Variants in IL17RB observed in about 807,000 individuals in gnomAD.
The protein encoded by IL17RB is interleukin 17 receptor B.
In IL17RB, 36 loss-of-function variants were observed where a neutral mutation model predicts 43.9. The ratio of observed to expected loss-of-function variants is 0.82; its 90% CI spans 0.63 to 1.08. The LOEUF is 1.08. Among genes scored for constraint, IL17RB ranks in the 50% least tolerant of loss-of-function variants. The pLI is 0.00. For synonymous variants in IL17RB, 225 were observed against 225.4 expected, an observed-to-expected ratio of 1.00 and a Z score of 0.02; for missense variants, 613 against 613.6, an observed-to-expected ratio of 1.00 and a Z score of 0.01.
At chr3:53,848,636 G>GT (rs762059693) in intron 1 of IL17RB, 28 bp from the exon 2 acceptor site, 31 of 1,605,324 alleles carry the variant, frequency 1.9e-5, no homozygotes, top group African/African-American at 4.0e-5. Context: ...CGGCTTCAAC[G>GT]TGACGCTTGG....
chr3:53,864,467 G>C lies in IL17RB; in HGVS notation c.947-279G>C, dbSNP rs539023684. Among the ~76,000 whole-genome samples the C allele has an allele frequency of 2.0e-5, 3 of 152,114 alleles. No individual in the cohort carries two copies. The South Asian group carries it at 6.2e-4, about 32-fold the overall frequency. On this transcript the variant is annotated intron_variant, in intron 10 of 10. Coordinates refer to ENST00000288167, the MANE Select transcript of IL17RB (RefSeq NM_018725.4). ...GGAGAATGGCGTGAACCCAGGAGGCGGAGGTTGTAGTCAGCCGAGGTCACG... is the reference window on the plus strand; with the variant it reads ...GGAGAATGGCGTGAACCCAGGAGGCCGAGGTTGTAGTCAGCCGAGGTCACG...
intron 5 of IL17RB, among the ~76,000 whole-genome samples, chr3:53,853,248 C>T (rs1434715486): frequency 6.6e-6 from 1 of 152,242 alleles, no homozygotes; most frequent in East Asian, 1.9e-4. Context: ...TATGCATCAT[C>T]TCACTTAAGC....
At chr3:53,857,516 C>A in intron 7 of IL17RB, 100 bp from the exon 8 acceptor site, 1 of 1,007,600 alleles carries the variant, frequency 9.9e-7, no homozygotes, top group Non-Finnish European at 1.6e-6. Context: ...AAATACTGGG[C>A]TCAAGCCATC....
rs1454198312 is a variant in IL17RB at position 53,848,625 on chromosome 3, C to G, written c.61-39C>G. 3 of 1,565,248 alleles carry G rather than the reference C, an allele frequency of 1.9e-6. No homozygotes were observed. In the East Asian group the frequency reaches 6.9e-5, roughly 36 times the overall value. On this transcript the variant is annotated intron_variant, in intron 1 of 10. Coordinates refer to ENST00000288167, the MANE Select transcript of IL17RB (RefSeq NM_018725.4). ...TTGGCAAAGGAAAGCTTGTGGTTTGCCGGCTTCAACGTGACGCTTGGTTTT... is the reference window on the plus strand; with the variant it reads ...TTGGCAAAGGAAAGCTTGTGGTTTGGCGGCTTCAACGTGACGCTTGGTTTT...
chr3:53,847,105 A>C (rs1698939339), intron 1 of IL17RB, among the ~76,000 whole-genome samples: 1 of 152,174 alleles, frequency 6.6e-6, no homozygotes, highest in Non-Finnish European at 1.5e-5. Flanking sequence ...TCACTCGTGA[A>C]GGCAGTTGCC....
At position 53,854,186 on chromosome 3, in the gene IL17RB, C is replaced by T. The variant is rs142018589; in HGVS notation, c.482-1108C>T. Among the ~76,000 whole-genome samples the T allele has an allele frequency of 6.2e-3, 941 of 152,258 alleles. 9 individuals are homozygous for T. Among genetic ancestry groups the T allele is most frequent in the African/African-American group, 0.021 (880 of 41,558 alleles). On this transcript the variant is annotated intron_variant, in intron 5 of 10. Coordinates refer to ENST00000288167, the MANE Select transcript of IL17RB (RefSeq NM_018725.4). ...TGCTGGGATTACAGGAGTGAGCCAC[C>T]GTACCCAGCCTTATTTTGGAATAAT...
chr3:53,848,477 G>A (rs192083718), intron 1 of IL17RB, among the ~76,000 whole-genome samples, 187 bp from the exon 2 acceptor site: 383 of 152,336 alleles, frequency 2.5e-3, no homozygotes, highest in African/African-American at 8.0e-3. Context: ...TCCATGGTCC[G>A]TCATAGCCTA....
At chr3:53,851,977 G>C in intron 3 of IL17RB, 22 bp from the exon 4 acceptor site, 2 of 1,613,842 alleles carry the variant, frequency 1.2e-6, no homozygotes, top group Non-Finnish European at 1.7e-6. Flanking sequence ...ATAAACCAAT[G>C]TCCTCTTGCC....
In IL17RB at chr3:53,861,783, T is replaced by C. The variant is rs150047589; in HGVS notation, c.946+1555T>C. On this transcript the variant is annotated intron_variant, in intron 10 of 10. Coordinates refer to ENST00000288167, the MANE Select transcript of IL17RB (RefSeq NM_018725.4). ...TCCCGGATGCCATTAAGAAAATCAC[T>C]GAGGAGAAAGGATACCTGCCTGAAC... Among the ~76,000 whole-genome samples the C allele has an allele frequency of 1.6e-3, 238 of 152,218 alleles. 1 individual carries two copies. The highest frequency in any genetic ancestry group is 5.7e-3 in the African/African-American group (236 of 41,528).
At position 53,864,799 on chromosome 3, in the gene IL17RB, G is replaced by A. The variant is rs757537807; in HGVS notation, c.1000G>A (p.Val334Ile). 1.2e-6 allele frequency: 2 copies of A among 1,613,934 alleles called. No homozygotes were observed. Among genetic ancestry groups the A allele is most frequent in the South Asian group, 2.2e-5 (2 of 91,078 alleles). The change falls in exon 11 of 11, where the codon GTT (valine) becomes ATT (isoleucine). Residue 334 changes from valine (V) to isoleucine (I), a missense_variant. Transcript: ENST00000288167. ...CACCACACTACTGCCCCCCATTAAG[G>A]TTCTTGTGGTTTACCCATCTGAAAT... ...STTTLLPPIK[V>I]LVVYPSEICF...
At chr3:53,858,889 G>C (rs1699453785) in intron 9 of IL17RB, 71 bp downstream of exon 9, 2 of 1,241,444 alleles carry the variant, frequency 1.6e-6, no homozygotes, top group African/African-American at 3.0e-5. Context: ...CACTCAGTAT[G>C]TGGAAGGGTT....
intron 3 of IL17RB, among the ~76,000 whole-genome samples, chr3:53,850,636 T>C (rs1343137307): frequency 2.0e-5 from 3 of 150,114 alleles, no homozygotes. Flanking sequence ...AAACTCCATC[T>C]CTCCTAAAAA....
intron 6 of IL17RB, 84 bp downstream of exon 6, chr3:53,855,425 G>T: frequency 1.0e-6 from 1 of 966,422 alleles, no homozygotes. Context: ...TTGCACAGAA[G>T]AACTGAGCCC....
chr3:53,856,854 G>T lies in IL17RB; in HGVS notation c.540G>T (p.Trp180Cys). 6.2e-7 allele frequency: 1 copy of T among 1,614,068 alleles called. No individual in the cohort carries two copies. The highest frequency in any genetic ancestry group is 8.5e-7 in the Non-Finnish European group (1 of 1,180,004). The change falls in exon 7 of 11, where the codon TGG becomes TGT. Residue 180 changes from tryptophan (W) to cysteine (C), a missense_variant. By Grantham distance (215) the Trp-to-Cys change is radical. Transcript: ENST00000288167. ...KKKCVKAGSL[W>C]DPNITACKKN... The stretch of plus-strand genomic sequence containing the variant: ...TCTCTCAACTCACAGGAAGCCTGTG[G>T]GATCCGAACATCACTGCTTGTAAGA...
rs755121971 is a variant in IL17RB at position 53,848,658 on chromosome 3, C to T, written c.61-6C>T. 3.1e-6 allele frequency: 5 copies of T among 1,614,066 alleles called. No homozygotes were observed. In the South Asian group the frequency reaches 5.5e-5, roughly 18 times the overall value. On this transcript the variant is annotated splice_polypyrimidine_tract_variant and splice_region_variant and intron_variant, in intron 1 of 10. Transcript: ENST00000288167. ...AACGTGACGCTTGGTTTTTTCTCTC[C>T]CACAGACCGTTCAATGTGGCTCTGA...
intron 1 of IL17RB, among the ~76,000 whole-genome samples, chr3:53,847,313 T>C (rs1437608746): frequency 6.6e-6 from 1 of 152,166 alleles, no homozygotes; most frequent in Non-Finnish European, 1.5e-5. Context: ...CCTTCCCCTC[T>C]GTGTCAGTTC....
At chr3:53,848,562 G>T (rs907078702) in intron 1 of IL17RB, 102 bp from the exon 2 acceptor site, 3 of 1,102,198 alleles carry the variant, frequency 2.7e-6, no homozygotes, top group Non-Finnish European at 4.2e-6. Context: ...TTTGTCACTT[G>T]TATATGCATT....
intron 3 of IL17RB, among the ~76,000 whole-genome samples, chr3:53,850,822 AAAT>A (rs941684211): frequency 7.3e-5 from 11 of 150,510 alleles, no homozygotes; most frequent in South Asian, 2.1e-4. Flanking sequence ...AAATAAAATA[AAAT>A]AAAAGTCAGG....
intron 10 of IL17RB, among the ~76,000 whole-genome samples, chr3:53,864,499 C>T (rs1699703081): frequency 6.6e-6 from 1 of 151,958 alleles, no homozygotes; most frequent in Non-Finnish European, 1.5e-5. Flanking sequence ...CACGCCACTG[C>T]ACTCCAGCCT....
Sources: allele counts gnomAD v4.1 joint callset (sites outside exome capture counted in the v4.1 genomes callset), GRCh38; gene constraint gnomAD v4.1.1; transcripts MANE v1.5; gene names NCBI Gene and HGNC (gene_info 2026-07-23, HGNC 2026-07-21).